TPD52: variants seen among roughly 807,000 people sequenced by gnomAD.
TPD52 encodes tumor protein D52.
TPD52 carries 17 observed loss-of-function variants against 31.3 expected under a neutral mutation model. That is an observed-to-expected ratio of 0.54 (90% CI 0.37 to 0.82). The LOEUF is 0.82. Among genes scored for constraint, TPD52 ranks in the 40% least tolerant of loss-of-function variants. TPD52 has a pLI of 0.00. For missense variants in TPD52, 212 were observed against 240.1 expected (o/e 0.88, Z 0.77); for synonymous variants, 83 against 89.6 (o/e 0.93, Z 0.42).
chr8:80,032,332 A>C (rs1474797620), downstream of TPD52, among the ~76,000 whole-genome samples: 2 of 152,166 alleles, frequency 1.3e-5, no homozygotes, highest in East Asian at 3.8e-4. Context: ...TGCCAAGAGT[A>C]GCATCCTCTG....
At chr8:80,083,695 C>G (rs1815511538) in intron 1 of TPD52, among the ~76,000 whole-genome samples, 1 of 152,096 alleles carries the variant, frequency 6.6e-6, no homozygotes, top group African/African-American at 2.4e-5. Context: ...TATAAATTAC[C>G]CAGTCTCAGG....
chr8:80,053,126 G>T, intron 3 of TPD52, 156 bp downstream of exon 3: 1 of 726,790 alleles, frequency 1.4e-6, no homozygotes. Context: ...TACAAAAAAA[G>T]GCAGGCACAC....
chr8:80,138,971 G>A (rs1809629573), intron 1 of TPD52, among the ~76,000 whole-genome samples: 1 of 152,170 alleles, frequency 6.6e-6, no homozygotes, highest in Non-Finnish European at 1.5e-5. Context: ...TCTCCTGCTA[G>A]TGGGGTCTTC....
chr8:80,050,575 A>G, intron 4 of TPD52, 104 bp from the exon 5 acceptor site: 1 of 1,081,810 alleles, frequency 9.2e-7, no homozygotes, highest in South Asian at 1.6e-5. Flanking sequence ...CCTGGGCTCT[A>G]AACTGCTACA....
At chr8:80,057,154 C>A (rs576196842) in intron 2 of TPD52, among the ~76,000 whole-genome samples, 1 of 152,196 alleles carries the variant, frequency 6.6e-6, no homozygotes, top group African/African-American at 2.4e-5. Context: ...GGCAACAGAG[C>A]AAGACTCTTC....
intron 1 of TPD52, among the ~76,000 whole-genome samples, chr8:80,124,166 CTTTTT>C (rs1563643413): frequency 1.1e-5 from 1 of 93,828 alleles, no homozygotes; most frequent in African/African-American, 7.2e-5. Flanking sequence ...CTCTCTCTCT[CTTTTT>C]GTTTTTTTTT....
At chr8:80,094,172 A>G (rs1260923617) in intron 1 of TPD52, among the ~76,000 whole-genome samples, 2 of 152,024 alleles carry the variant, frequency 1.3e-5, no homozygotes, top group Non-Finnish European at 1.5e-5. Context: ...GTTTAGATGG[A>G]AAGAGAGCAT....
chr8:80,155,456 T>G (rs1486496960), intron 1 of TPD52, among the ~76,000 whole-genome samples: 2 of 152,056 alleles, frequency 1.3e-5, no homozygotes, highest in Middle Eastern at 3.2e-3. Flanking sequence ...TCATGGGGTG[T>G]GAGTGCTGGA....
chr8:80,067,731 G>A (rs1053307692), intron 1 of TPD52, among the ~76,000 whole-genome samples: 3 of 151,826 alleles, frequency 2.0e-5, no homozygotes, highest in Non-Finnish European at 2.9e-5. Context: ...GAGGCTGATG[G>A]TCAGACCTGA....
chr8:80,064,530 G>A lies in TPD52; in HGVS notation c.83C>T (p.Thr28Ile), dbSNP rs1812908223. Residue 28 changes from threonine to isoleucine, a missense_variant, in exon 2 of 8, where the codon ACA becomes ATA. Thr to Ile is a moderately conservative substitution (Grantham distance 89). Coordinates refer to ENST00000518937, the MANE Select transcript of TPD52 (RefSeq NM_001025253.3). ...CTGCTCCTCTTCCGAGAGGGTCTCT[G>A]TGGCACTGATCGTGGCAGCAACATC... ...GEDVAATISA[T>I]ETLSEEEQEE... The A allele has an allele frequency of 1.9e-6, 3 of 1,614,186 alleles. No homozygotes were observed. The highest frequency in any genetic ancestry group is 1.1e-5 in the South Asian group (1 of 91,082).
At chr8:80,065,283 A>ATATATC (rs1277546421) in intron 1 of TPD52, among the ~76,000 whole-genome samples, 23 of 113,300 alleles carry the variant, frequency 2.0e-4, no homozygotes, top group African/African-American at 7.3e-4. Context: ...ATCTATATCT[A>ATATATC]TATATCTATA....
intron 5 of TPD52, among the ~76,000 whole-genome samples, chr8:80,048,171 A>AC (rs1197360076): frequency 2.0e-5 from 3 of 152,150 alleles, no homozygotes; most frequent in African/African-American, 7.2e-5. Context: ...TGGCCTTGCT[A>AC]CCACCACACC....
intron 1 of TPD52, among the ~76,000 whole-genome samples, chr8:80,149,207 T>C (rs547515211): frequency 2.0e-5 from 3 of 152,270 alleles, no homozygotes; most frequent in East Asian, 1.9e-4. Flanking sequence ...AATTAAATCA[T>C]GGGGGCGGAT....
At chr8:80,133,447 T>C (rs892993528) in intron 1 of TPD52, among the ~76,000 whole-genome samples, 2 of 152,194 alleles carry the variant, frequency 1.3e-5, no homozygotes, top group African/African-American at 2.4e-5. Flanking sequence ...TGAATTTTCC[T>C]TCTTCCCTCC....
At chr8:80,058,588 A>G (rs897547969) in intron 2 of TPD52, among the ~76,000 whole-genome samples, 9 of 152,180 alleles carry the variant, frequency 5.9e-5, no homozygotes, top group Non-Finnish European at 8.8e-5. Context: ...ACCTGAGTTC[A>G]GGAGTTCAAG....
At chr8:80,117,720 CT>C (rs891040790) in intron 1 of TPD52, among the ~76,000 whole-genome samples, 3 of 135,682 alleles carry the variant, frequency 2.2e-5, no homozygotes, top group Admixed American at 1.6e-4. Flanking sequence ...CTCATGCTTT[CT>C]TTTTTTTTCT....
chr8:80,096,871 G>T (rs188446192), intron 1 of TPD52, among the ~76,000 whole-genome samples: 1 of 152,260 alleles, frequency 6.6e-6, no homozygotes, highest in Admixed American at 6.5e-5. Flanking sequence ...GCCTCTAGGT[G>T]TTCAAATGAC....
chr8:80,083,575 C>A (rs896020489), intron 1 of TPD52, among the ~76,000 whole-genome samples: 4 of 152,108 alleles, frequency 2.6e-5, no homozygotes, highest in Admixed American at 2.0e-4. Context: ...TCGCTGGGCA[C>A]TCATTCTCTC....
rs1809836817 is a variant in TPD52, at chr8:80,035,460, T to C, written c.*2656A>G. 1 of 152,236 alleles carries C rather than the reference T, an allele frequency of 6.6e-6. No homozygotes were observed. The allele number at this position is 152,236 out of a possible 1,614,324, so 9.4% of individuals were successfully genotyped here. ...AAGGGTTTGGAGAGAAGTTGCATAATGGACTTGCCCCTTTCCTCAATGGGC... is the reference window on the plus strand; with the variant it reads ...AAGGGTTTGGAGAGAAGTTGCATAACGGACTTGCCCCTTTCCTCAATGGGC... On this transcript the variant is annotated 3_prime_UTR_variant, in exon 8 of 8. Transcript: ENST00000518937.
Sources: gnomAD v4.1 joint callset for allele counts (sites outside exome capture counted in the v4.1 genomes callset) on GRCh38, gnomAD v4.1.1 for gene constraint, MANE v1.5 for transcripts, NCBI Gene and HGNC (gene_info 2026-07-23, HGNC 2026-07-21) for gene names.